Variants in NLRP4 observed in about 807,000 individuals in gnomAD.
NLRP4 encodes the protein NACHT, LRR and PYD domains-containing protein 4.
Under a neutral mutation model 84.7 loss-of-function variants are expected in NLRP4, and 44 were observed. That is an observed-to-expected ratio of 0.52 (90% confidence interval 0.41 to 0.67). NLRP4 has a LOEUF of 0.67. Ranked by LOEUF, NLRP4 falls within the 30% of genes least tolerant of loss-of-function variation. The pLI is 0.00. For synonymous variants in NLRP4, 544 were observed against 476.4 expected (o/e 1.14, Z -1.85); for missense variants, 1,260 against 1,219.4 (o/e 1.03, Z -0.50).
At chr19:55,851,629 T>C (rs867813435) in intron 1 of NLRP4, among the ~76,000 whole-genome samples, 67 of 89,096 alleles carry the variant, frequency 7.5e-4, no homozygotes, top group African/African-American at 1.1e-3. Context: ...CGGTGTAATG[T>C]CCGAGGCTGC....
intron 3 of NLRP4, among the ~76,000 whole-genome samples, chr19:55,860,143 A>G (rs992789752): frequency 6.6e-5 from 10 of 151,654 alleles, no homozygotes; most frequent in Non-Finnish European, 1.2e-4. Context: ...CCGCCACCAC[A>G]CCCAGCTAAT....
intron 6 of NLRP4, 32 bp downstream of exon 6, chr19:55,867,908 G>A (rs1451107610): frequency 1.9e-6 from 3 of 1,600,146 alleles, no homozygotes; most frequent in East Asian, 4.5e-5. Context: ...CTACTGTGGA[G>A]GGCCATGGCG....
intron 9 of NLRP4, 47 bp from the exon 10 acceptor site, chr19:55,881,423 A>G (rs1392709917): frequency 9.9e-7 from 1 of 1,012,144 alleles, no homozygotes. Flanking sequence ...CAGAAAAGGG[A>G]AAAAGTATGT....
chr19:55,845,581 A>G (rs575875235), intron 1 of NLRP4, among the ~76,000 whole-genome samples: 44 of 152,122 alleles, frequency 2.9e-4, no homozygotes, highest in African/African-American at 9.7e-4. Flanking sequence ...TTCTAGTTCT[A>G]GATCCCTGAG....
chr19:55,881,089 T>A (rs1338539162), intron 9 of NLRP4, among the ~76,000 whole-genome samples: 1 of 151,644 alleles, frequency 6.6e-6, no homozygotes, highest in Non-Finnish European at 1.5e-5. Flanking sequence ...CATTTATTTA[T>A]GTCCAGTGAC....
At chr19:55,857,328 T>C (rs1362504668) in intron 2 of NLRP4, 1 of 218,498 alleles carries the variant, frequency 4.6e-6, no homozygotes, top group African/African-American at 3.9e-5. Flanking sequence ...GCAATGAATG[T>C]GTGTGTGTGT....
chr19:55,853,799 CTCTCTCTT>C (rs1568661588), intron 2 of NLRP4, among the ~76,000 whole-genome samples: 1 of 151,790 alleles, frequency 6.6e-6, no homozygotes, highest in African/African-American at 2.4e-5. Flanking sequence ...CTTTCTCTCT[CTCTCTCTT>C]TCTCTTTCTT....
At chr19:55,859,785 G>T (rs563469957) in intron 3 of NLRP4, among the ~76,000 whole-genome samples, 1 of 151,494 alleles carries the variant, frequency 6.6e-6, no homozygotes. Context: ...AAAATTAGCC[G>T]GGTGTGTAGC....
chr19:55,855,247 C>T (rs951753474), intron 2 of NLRP4, among the ~76,000 whole-genome samples: 1 of 152,194 alleles, frequency 6.6e-6, no homozygotes, highest in African/African-American at 2.4e-5. Context: ...ATTCTTTGCA[C>T]ATGGAACCAT....
chr19:55,853,895 C>T (rs1488588848), intron 2 of NLRP4, among the ~76,000 whole-genome samples: 1 of 147,202 alleles, frequency 6.8e-6, no homozygotes, highest in African/African-American at 2.6e-5. Flanking sequence ...CTCTTTCTCT[C>T]TCTCTCTCTC....
chr19:55,875,533 G>T (rs565983040), intron 7 of NLRP4, among the ~76,000 whole-genome samples: 4 of 152,046 alleles, frequency 2.6e-5, no homozygotes, highest in Admixed American at 6.6e-5. Context: ...ATCAAATTAT[G>T]GTATAAAACA....
At chr19:55,876,957 G>A (rs1407467915) in intron 7 of NLRP4, 39 bp from the exon 8 acceptor site, 4 of 1,561,260 alleles carry the variant, frequency 2.6e-6, no homozygotes, top group Non-Finnish European at 3.5e-6. Flanking sequence ...AGACTGAGGT[G>A]TAATAGCCTT....
chr19:55,868,371 G>T (rs905185005), intron 6 of NLRP4, among the ~76,000 whole-genome samples: 4 of 152,078 alleles, frequency 2.6e-5, no homozygotes, highest in Admixed American at 1.3e-4. Context: ...TTTAGGGTAC[G>T]TAAAACACAG....
chr19:55,862,873 C>T (rs1396757895), intron 5 of NLRP4, among the ~76,000 whole-genome samples: 1 of 152,210 alleles, frequency 6.6e-6, no homozygotes, highest in African/African-American at 2.4e-5. Flanking sequence ...TTCCTGAGAA[C>T]TTGGATAGGG....
At chr19:55,875,172 T>C (rs925343018) in intron 7 of NLRP4, among the ~76,000 whole-genome samples, 3 of 152,200 alleles carry the variant, frequency 2.0e-5, no homozygotes, top group African/African-American at 7.2e-5. Context: ...TTCAATATCA[T>C]GAAAAAGATA....
At chr19:55,863,275 G>A (rs764810258) in intron 5 of NLRP4, among the ~76,000 whole-genome samples, 33 of 152,086 alleles carry the variant, frequency 2.2e-4, no homozygotes, top group Non-Finnish European at 3.2e-4. Context: ...TTGGAGGTTC[G>A]GGCAGTGTAT....
At chr19:55,873,481 A>G (rs1985264218) in intron 7 of NLRP4, among the ~76,000 whole-genome samples, 1 of 152,186 alleles carries the variant, frequency 6.6e-6, no homozygotes, top group Non-Finnish European at 1.5e-5. Context: ...AACAGATTAA[A>G]TGTTTCAGCT....
chr19:55,880,397 A>G (rs566451305), intron 9 of NLRP4, among the ~76,000 whole-genome samples: 3 of 152,344 alleles, frequency 2.0e-5, no homozygotes, highest in East Asian at 3.9e-4. Flanking sequence ...TAGCCTTGCC[A>G]TGTTTGGCCC....
chr19:55,866,352 T>A (rs1347353005), intron 5 of NLRP4, among the ~76,000 whole-genome samples: 1 of 152,132 alleles, frequency 6.6e-6, no homozygotes, highest in Admixed American at 6.5e-5. Flanking sequence ...ATATCTTAAA[T>A]CTAGAAAGAA....
Sources: gnomAD v4.1 joint callset for allele counts (sites outside exome capture counted in the v4.1 genomes callset) on GRCh38, gnomAD v4.1.1 for gene constraint, MANE v1.5 for transcripts, NCBI Gene and HGNC (gene_info 2026-07-23, HGNC 2026-07-21) for gene names.